The following MID2 variants were observed in gnomAD, a reference collection of about 807,000 sequenced individuals.
The protein encoded by MID2 is probable E3 ubiquitin-protein ligase MID2.
In MID2, 13 loss-of-function variants were observed where a neutral mutation model predicts 46.1. That is an observed-to-expected ratio of 0.28 (90% CI 0.18 to 0.45). The LOEUF (loss-of-function observed/expected upper bound fraction) is 0.45, where lower values mean the gene tolerates loss of function less well. MID2 is among the 20% of genes least tolerant of loss of function. The probability of loss-of-function intolerance (pLI) is 1.00; values close to 1 mark genes in which losing one functional copy is unlikely to be tolerated. For missense variants in MID2, 431 were observed against 575.4 expected, an observed-to-expected ratio of 0.75 and a Z score of 2.57; for synonymous variants, 199 against 212.3, an observed-to-expected ratio of 0.94 and a Z score of 0.55.
intron 3 of MID2, among the ~76,000 whole-genome samples, chrX:107,883,162 G>T (rs1490500778): frequency 9.0e-6 from 1 of 111,226 alleles, no homozygotes; most frequent in Non-Finnish European, 1.9e-5. Context: ...GAGAACACAT[G>T]GAAACAGGGA....
chrX:107,832,795 T>C (rs1931119542), intron 1 of MID2, among the ~76,000 whole-genome samples: 2 of 112,295 alleles, frequency 1.8e-5, no homozygotes, highest in Non-Finnish European at 3.8e-5. Context: ...CTATTTTCAG[T>C]TCTTATCCTA....
intron 5 of MID2, among the ~76,000 whole-genome samples, chrX:107,912,487 A>G (rs1932907363): frequency 9.0e-6 from 1 of 111,592 alleles, no homozygotes; most frequent in Non-Finnish European, 1.9e-5. Context: ...TGTCCTCCTG[A>G]ACATTTTTAC....
At chrX:107,869,807 T>C (rs1644487275) in intron 3 of MID2, among the ~76,000 whole-genome samples, 2 of 110,491 alleles carry the variant, frequency 1.8e-5, no homozygotes, top group Admixed American at 9.6e-5. Context: ...TGTATTACAA[T>C]CTTACCATAT....
At chrX:107,828,862 C>T (rs1471407756) in intron 1 of MID2, among the ~76,000 whole-genome samples, 3 of 112,095 alleles carry the variant, frequency 2.7e-5, no homozygotes, top group African/African-American at 9.7e-5. Flanking sequence ...TGAAAGGGTT[C>T]TGTAAACCCT....
In MID2 at chrX:107,855,136, TCTC is replaced by T. The variant is rs1225995498; in HGVS notation, c.816+436_816+438del. On this transcript the variant is annotated intron_variant, in intron 3 of 9. Coordinates refer to ENST00000262843, the MANE Select transcript of MID2 (RefSeq NM_012216.4). ...CTGTAACAATATTATCAGGACTGCT[TCTC>T]CTCTTTCGAGCCTCTCCCCCTCTTC... Among the ~76,000 whole-genome samples, 9 of 111,083 alleles carry T rather than the reference TCTC, an allele frequency of 8.1e-5. No individual in the cohort carries two copies. In the Admixed American group the frequency reaches 8.6e-4, roughly 11 times the overall value.
chrX:107,879,830 T>C (rs761030995), intron 3 of MID2, among the ~76,000 whole-genome samples: 2 of 111,372 alleles, frequency 1.8e-5, no homozygotes, highest in African/African-American at 3.3e-5. Flanking sequence ...ATAAACTTTT[T>C]CTTCATGATC....
chrX:107,828,678 G>C (rs1286785004), intron 1 of MID2, among the ~76,000 whole-genome samples: 3 of 112,135 alleles, frequency 2.7e-5, no homozygotes, highest in Admixed American at 1.9e-4. Context: ...TAATGTAGTG[G>C]TTAAAACACA....
chrX:107,864,557 G>T, intron 3 of MID2, among the ~76,000 whole-genome samples: 1 of 111,139 alleles, frequency 9.0e-6, no homozygotes, highest in East Asian at 2.8e-4. Flanking sequence ...CTCATTCTAG[G>T]GCTGTACATG....
chrX:107,897,891 CATA>C (rs1357144295), intron 3 of MID2, among the ~76,000 whole-genome samples: 3 of 112,260 alleles, frequency 2.7e-5, no homozygotes, highest in Admixed American at 9.4e-5. Flanking sequence ...CAAGGCTGTT[CATA>C]ATAATTTCTT....
At chrX:107,852,245 G>GC (rs1003286203) in intron 2 of MID2, among the ~76,000 whole-genome samples, 1 of 111,721 alleles carries the variant, frequency 9.0e-6, no homozygotes, top group African/African-American at 3.3e-5. Context: ...GGAACATCCT[G>GC]CCCCCATGCA....
At chrX:107,884,533 G>A (rs2147850917) in intron 3 of MID2, among the ~76,000 whole-genome samples, 1 of 112,418 alleles carries the variant, frequency 8.9e-6, no homozygotes, top group Admixed American at 9.4e-5. Flanking sequence ...TGCAGATTCA[G>A]GCCAGCCTGG....
chrX:107,875,346 T>C (rs1331445015), intron 3 of MID2, among the ~76,000 whole-genome samples: 3 of 111,541 alleles, frequency 2.7e-5, no homozygotes, highest in Non-Finnish European at 5.7e-5. Flanking sequence ...TCATTCCCCA[T>C]TGGGTTTTTG....
At chrX:107,886,796 C>G (rs1416049573) in intron 3 of MID2, among the ~76,000 whole-genome samples, 1 of 111,669 alleles carries the variant, frequency 9.0e-6, no homozygotes, top group Non-Finnish European at 1.9e-5. Flanking sequence ...TCTTTTATTT[C>G]ATTGAGCAGT....
chrX:107,893,712 G>T (rs1032985718), intron 3 of MID2, among the ~76,000 whole-genome samples: 5 of 112,138 alleles, frequency 4.5e-5, no homozygotes, highest in Non-Finnish European at 9.4e-5. Context: ...ACTTGAGTCT[G>T]TCTGGCTCTG....
chrX:107,925,547 A>G (rs1198259902), intron 8 of MID2, among the ~76,000 whole-genome samples: 2 of 111,973 alleles, frequency 1.8e-5, no homozygotes. Flanking sequence ...CAATTGTAAG[A>G]GGGCAAAAAT....
chrX:107,870,848 T>A (rs1460664228), intron 3 of MID2, among the ~76,000 whole-genome samples: 1 of 109,522 alleles, frequency 9.1e-6, no homozygotes, highest in Non-Finnish European at 1.9e-5. Flanking sequence ...ATTGTTAGTA[T>A]TGTATTTTTG....
Position 107,841,141 on chromosome X carries a change from T to C in MID2, c.476T>C (p.Val159Ala), listed in dbSNP as rs1931335964. Reference sequence around the variant, plus strand: ...GTAAAAACATGCATCACCTGTGAGGTCTCCTACTGTGACCGTTGCCTGCGG... The same window carrying C: ...GTAAAAACATGCATCACCTGTGAGGCCTCCTACTGTGACCGTTGCCTGCGG... Reference protein sequence around the residue: ...DAVKTCITCEVSYCDRCLRAT... With the variant: ...DAVKTCITCEASYCDRCLRAT... Residue 159 changes from valine (V) to alanine (A), a missense_variant, in exon 2 of 10, where the codon GTC becomes GCC. Val to Ala is a moderately conservative substitution (Grantham distance 64). Transcript: ENST00000262843. The C allele has an allele frequency of 8.3e-7, 1 of 1,211,108 alleles. No homozygotes were observed. The highest frequency in any genetic ancestry group is 3.0e-5 in the East Asian group (1 of 33,808).
chrX:107,841,204 G>T lies in MID2; in HGVS notation c.539G>T (p.Arg180Leu). 8.3e-7 allele frequency: 1 copy of T among 1,211,554 alleles called. No homozygotes were observed. Among genetic ancestry groups the T allele is most frequent in the African/African-American group, 1.7e-5 (1 of 57,726 alleles). ...HPNKKPFTSH[R>L]LVEPVPDTHL... Reference sequence around the variant, plus strand: ...AACAAGAAACCTTTCACCAGCCACCGCCTGGTGGAACCAGTGCCAGACACA... The same window carrying T: ...AACAAGAAACCTTTCACCAGCCACCTCCTGGTGGAACCAGTGCCAGACACA... Residue 180 changes from arginine to leucine, a missense_variant, in exon 2 of 10, where the codon CGC becomes CTC. Physicochemically the swap from Arg to Leu is moderately radical, Grantham distance 102. Coordinates refer to ENST00000262843, the MANE Select transcript of MID2 (RefSeq NM_012216.4).
chrX:107,877,212 T>A (rs1018366400), intron 3 of MID2, among the ~76,000 whole-genome samples: 2 of 112,268 alleles, frequency 1.8e-5, no homozygotes, highest in African/African-American at 3.2e-5. Context: ...TCCTCATGTT[T>A]ACAGAAAAGG....
Sources: allele counts gnomAD v4.1 joint callset (sites outside exome capture counted in the v4.1 genomes callset), GRCh38; gene constraint gnomAD v4.1.1; transcripts MANE v1.5; gene names NCBI Gene and HGNC (gene_info 2026-07-23, HGNC 2026-07-21).